KNDC1: variants seen among roughly 807,000 people sequenced by gnomAD.
KNDC1 encodes kinase non-catalytic C-lobe domain-containing protein 1.
Under a neutral mutation model 172.8 loss-of-function variants are expected in KNDC1, and 106 were observed. The observed-to-expected ratio is 0.61, with a 90% CI of 0.52 to 0.72. KNDC1 has a LOEUF of 0.72. KNDC1 is among the 30% of genes least tolerant of loss of function. The probability of loss-of-function intolerance (pLI) is 0.00; values close to 1 mark genes in which losing one functional copy is unlikely to be tolerated. For missense variants in KNDC1, 2,325 were observed against 2,394.5 expected (o/e 0.97, Z 0.61); for synonymous variants, 1,083 against 1,062.2 (o/e 1.02, Z -0.38).
chr10:133,207,048 A>G, intron 19 of KNDC1, 89 bp from the exon 20 acceptor site: 1 of 1,531,588 alleles, frequency 6.5e-7, no homozygotes, highest in Non-Finnish European at 9.0e-7. Flanking sequence ...GTGTGAAGTT[A>G]TAAAAGGGGC....
At position 133,224,528 on chromosome 10, in the gene KNDC1, C is replaced by G; in HGVS notation, c.5019-131C>G. On this transcript the variant is annotated intron_variant, in intron 29 of 29. Transcript: ENST00000304613. This position sits in a 1 kb window ranked among gnomAD's most constrained non-coding sequence, Gnocchi z 5.4. Reference sequence around the variant, plus strand: ...CACCTCGCCAATAAATACAGACAACCCACCCTTCAGAATTTACACGGTGAA... The same window carrying G: ...CACCTCGCCAATAAATACAGACAACGCACCCTTCAGAATTTACACGGTGAA... 1.5e-6 allele frequency: 1 copy of G among 670,412 alleles called. No homozygotes were observed. The highest frequency in any genetic ancestry group is 2.6e-6 in the Non-Finnish European group (1 of 385,640). The allele number at this position is 670,412 out of a possible 1,614,324, so 41.5% of individuals were successfully genotyped here.
chr10:133,218,844 T>C lies in KNDC1; in HGVS notation c.4691T>C (p.Leu1564Ser), dbSNP rs1244880220. ...TTCTTATTGCAGCTGCAGGTGAACT[T>C]GCTGTCCAAATTTTTGCTGATTGCA... ...TSHTSKLQVN[L>S]LSKFLLIAKS... Residue 1564 changes from leucine (L) to serine (S), a missense_variant, in exon 27 of 30, where the codon TTG (leucine) becomes TCG (serine). Leu to Ser is a moderately radical substitution (Grantham distance 145). Transcript: ENST00000304613. The C allele has an allele frequency of 6.2e-7, 1 of 1,611,554 alleles. No individual in the cohort carries two copies. Among genetic ancestry groups the C allele is most frequent in the Non-Finnish European group, 8.5e-7 (1 of 1,177,848 alleles).
chr10:133,223,946 TG>T (rs1845666276), intron 29 of KNDC1, among the ~76,000 whole-genome samples: 1 of 140,390 alleles, frequency 7.1e-6, no homozygotes, highest in African/African-American at 2.6e-5. Context: ...TGTGTGTGTG[TG>T]TGTGAGCCCA....
At position 133,198,444 on chromosome 10, in the gene KNDC1, TC is replaced by T; in HGVS notation, c.2016del (p.Glu673ArgfsTer54). 6.2e-7 allele frequency: 1 copy of T among 1,603,840 alleles called. No individual in the cohort carries two copies. The highest frequency in any genetic ancestry group is 8.5e-7 in the Non-Finnish European group (1 of 1,175,774). ...EATQLPAAFT[S>X]EATHFKPIVL... is the part of the protein sequence containing the mutation. The stretch of plus-strand genomic sequence containing the variant: ...CACCCAGCTGCCTGCAGCGTTCACC[TC>T]CGAGGCCACGCACTTCAAGCCCATT... On this transcript the variant is annotated frameshift_variant, in exon 13 of 30. Transcript: ENST00000304613. LOFTEE classifies it high-confidence loss of function.
chr10:133,166,831 G>A (rs914945558), intron 1 of KNDC1, among the ~76,000 whole-genome samples: 17 of 152,226 alleles, frequency 1.1e-4, no homozygotes, highest in African/African-American at 3.9e-4. Flanking sequence ...GGATTTGGAG[G>A]TGAGCCCACA....
chr10:133,175,942 GTGGGTGAATGGA>G (rs1564877545), intron 3 of KNDC1, among the ~76,000 whole-genome samples: 2 of 148,296 alleles, frequency 1.3e-5, no homozygotes, highest in South Asian at 4.5e-4. Flanking sequence ...GGATGGATGG[GTGGGTGAATGGA>G]TGGGTGGATG....
In KNDC1 at chr10:133,195,749, G is replaced by T; in HGVS notation, c.1662G>T (p.Arg554Ser). 6.2e-7 allele frequency: 1 copy of T among 1,610,904 alleles called. No homozygotes were observed. The highest frequency in any genetic ancestry group is 8.5e-7 in the Non-Finnish European group (1 of 1,178,958). ...PRNHKLALPR[R>S]LKTLLLDMAR... ...ACCACAAGCTGGCCCTGCCACGCAGGCTCAAGACCCTCCTCCTGGACATGG... is the reference window on the plus strand; with the variant it reads ...ACCACAAGCTGGCCCTGCCACGCAGTCTCAAGACCCTCCTCCTGGACATGG... The change falls in exon 10 of 30, where the codon AGG becomes AGT. Residue 554 changes from arginine to serine, a missense_variant. By Grantham distance (110) the Arg-to-Ser change is moderately radical (BLOSUM62 -1). Coordinates refer to ENST00000304613, the MANE Select transcript of KNDC1 (RefSeq NM_152643.8).
intron 29 of KNDC1, among the ~76,000 whole-genome samples, chr10:133,220,930 G>A (rs927105346): frequency 1.3e-5 from 2 of 152,068 alleles, no homozygotes; most frequent in African/African-American, 4.8e-5. Context: ...CTTTTCAGAG[G>A]CCTGGGTACC....
chr10:133,224,788 A>G lies in KNDC1; in HGVS notation c.5148A>G (p.Thr1716=), dbSNP rs1448152697. The G allele has an allele frequency of 2.5e-6, 4 of 1,613,770 alleles. No individual in the cohort carries two copies. The highest frequency in any genetic ancestry group is 1.3e-5 in the African/African-American group (1 of 74,858). The change falls in exon 30 of 30, where the codon ACA becomes ACG. Residue 1716 remains threonine (T), a synonymous_variant. Coordinates refer to ENST00000304613, the MANE Select transcript of KNDC1 (RefSeq NM_152643.8). The surrounding 1 kb of genome is among the most constrained non-coding windows in gnomAD (Gnocchi z 5.4). ...GCTTCAGCGGTGCCGACATTTCCACACTCGCCGCAGATAGCAGGGCCAACT... is the reference window on the plus strand; with the variant it reads ...GCTTCAGCGGTGCCGACATTTCCACGCTCGCCGCAGATAGCAGGGCCAACT... ...IARFSGADIS[T]LAADSRANFH...
At position 133,198,438 on chromosome 10, in the gene KNDC1, T is replaced by A; in HGVS notation, c.2008T>A (p.Phe670Ile). The A allele has an allele frequency of 6.2e-7, 1 of 1,603,246 alleles. No homozygotes were observed. ...AGAAGCCACCCAGCTGCCTGCAGCG[T>A]TCACCTCCGAGGCCACGCACTTCAA... ...GEEATQLPAA[F>I]TSEATHFKPI... Residue 670 changes from phenylalanine to isoleucine, a missense_variant, in exon 13 of 30, where the codon TTC (phenylalanine) becomes ATC (isoleucine). Transcript: ENST00000304613.
At position 133,181,096 on chromosome 10, in the gene KNDC1, TCA is replaced by T. The variant is rs561055712; in HGVS notation, c.361-2244_361-2243del. Among the ~76,000 whole-genome samples, 540 of 151,026 alleles carry T rather than the reference TCA, an allele frequency of 3.6e-3. 5 individuals are homozygous for T. Among genetic ancestry groups the T allele is most frequent in the African/African-American group, 0.012 (489 of 40,988 alleles). On this transcript the variant is annotated intron_variant, in intron 3 of 29. Coordinates refer to ENST00000304613, the MANE Select transcript of KNDC1 (RefSeq NM_152643.8). ...ATGCCACATGGGGCACCCACTGACG[TCA>T]CACGCGGCACCCACAGACGCCACAC...
At position 133,198,517 on chromosome 10, in the gene KNDC1, A is replaced by T. The variant is rs1022243850; in HGVS notation, c.2069+18A>T. 1 of 1,589,782 alleles carries T rather than the reference A, an allele frequency of 6.3e-7. No individual in the cohort carries two copies. The highest frequency in any genetic ancestry group is 8.6e-7 in the Non-Finnish European group (1 of 1,164,016). On this transcript the variant is annotated intron_variant, in intron 13 of 29. Coordinates refer to ENST00000304613, the MANE Select transcript of KNDC1 (RefSeq NM_152643.8). ...GTGGCCAGGTGAGCATCGTCCCCAC[A>T]CCCCGGAGCTGCTGGGTCCCGGGCG...
In KNDC1 at chr10:133,198,588, G is replaced by C; in HGVS notation, c.2080G>C (p.Ala694Pro). ...QNASVARDQP[A>P]LAQEESEERG... ...CTGCTCCTCCCGTAGGGACCAGCCTGCCTTGGCCCAGGAGGAGTCCGAGGA... is the reference window on the plus strand; with the variant it reads ...CTGCTCCTCCCGTAGGGACCAGCCTCCCTTGGCCCAGGAGGAGTCCGAGGA... Residue 694 changes from alanine (A) to proline (P), a missense_variant, in exon 14 of 30, where the codon GCC (alanine) becomes CCC (proline). Coordinates refer to ENST00000304613, the MANE Select transcript of KNDC1 (RefSeq NM_152643.8). The C allele has an allele frequency of 6.3e-7, 1 of 1,590,852 alleles. No homozygotes were observed. Among genetic ancestry groups the C allele is most frequent in the Non-Finnish European group, 8.6e-7 (1 of 1,167,168 alleles).
rs776313411 is a variant in KNDC1 at position 133,207,146 on chromosome 10, G to C, written c.3589G>C (p.Ala1197Pro). 3.8e-6 allele frequency: 6 copies of C among 1,590,172 alleles called. No homozygotes were observed. The highest frequency in any genetic ancestry group is 5.1e-6 in the Non-Finnish European group (6 of 1,169,492). The change falls in exon 20 of 30, where the codon GCG (alanine) becomes CCG (proline). Residue 1197 changes from alanine to proline, a missense_variant. By Grantham distance (27) the Ala-to-Pro change is conservative. Coordinates refer to ENST00000304613, the MANE Select transcript of KNDC1 (RefSeq NM_152643.8). Reference sequence around the variant, plus strand: ...TGTCCCGCTCCGGCAGGTCATGTACGCGGAACGCTGGGGCCTGGAGCCCTG... The same window carrying C: ...TGTCCCGCTCCGGCAGGTCATGTACCCGGAACGCTGGGGCCTGGAGCCCTG... ...LVKKYLQVMY[A>P]ERWGLEPCTL...
At chr10:133,220,658 A>T (rs112178743) in intron 29 of KNDC1, among the ~76,000 whole-genome samples, 19 of 18,590 alleles carry the variant, frequency 1.0e-3, no homozygotes, top group African/African-American at 3.0e-3. Flanking sequence ...CGCGCCCAGG[A>T]GAGGAGGGGC....
intron 20 of KNDC1, among the ~76,000 whole-genome samples, chr10:133,207,831 G>A (rs750365594): frequency 3.9e-5 from 6 of 152,182 alleles, no homozygotes; most frequent in South Asian, 2.1e-4. Context: ...GCGTACGTAC[G>A]CCTGCAGCAG....
rs1162303121 is a variant in KNDC1, at chr10:133,226,122, T to C, written c.*1232T>C. 2 of 152,238 alleles carry C rather than the reference T, an allele frequency of 1.3e-5. No homozygotes were observed. Among genetic ancestry groups the C allele is most frequent in the Non-Finnish European group, 1.5e-5 (1 of 68,044 alleles). The allele number at this position is 152,238 out of a possible 1,614,324, so 9.4% of individuals were successfully genotyped here. On this transcript the variant is annotated 3_prime_UTR_variant, in exon 30 of 30. Transcript: ENST00000304613. ...TAATGTCAAGATGTGTTTTCCCACA[T>C]AAATTCACCGGAGACATCCGGGCCC...
chr10:133,204,272 G>A (rs1336149124), intron 17 of KNDC1, among the ~76,000 whole-genome samples: 1 of 152,210 alleles, frequency 6.6e-6, no homozygotes, highest in Non-Finnish European at 1.5e-5. Context: ...TGTTCTAGAC[G>A]CTGTCCACCG....
intron 3 of KNDC1, chr10:133,178,705 C>G (rs927788478): frequency 6.6e-6 from 1 of 152,410 alleles, no homozygotes; most frequent in Non-Finnish European, 1.5e-5. Flanking sequence ...GACTCTCTTT[C>G]TTCCTTGTGG....
Sources: gnomAD v4.1 joint callset for allele counts (sites outside exome capture counted in the v4.1 genomes callset) on GRCh38, gnomAD v4.1.1 for gene constraint, Gnocchi (gnomAD v3.1) non-coding constraint, MANE v1.5 for transcripts, NCBI Gene and HGNC (gene_info 2026-07-23, HGNC 2026-07-21) for gene names.